The following RIMBP2 variants were observed in gnomAD, a reference collection of about 807,000 sequenced individuals.
RIMBP2 encodes RIMS-binding protein 2.
Under a neutral mutation model 118.6 loss-of-function variants are expected in RIMBP2, and 48 were observed. The observed-to-expected ratio is 0.40, with a 90% CI of 0.32 to 0.51. The LOEUF (loss-of-function observed/expected upper bound fraction) is 0.51. Among genes scored for constraint, RIMBP2 ranks in the 20% least tolerant of loss-of-function variants. The pLI is 0.41. For missense variants in RIMBP2, 1,551 were observed against 1,768.3 expected (o/e 0.88, Z 2.20); for synonymous variants, 762 against 742.9 (o/e 1.03, Z -0.42).
In RIMBP2 at chr12:130,688,333, C is replaced by T. The variant is rs2136630349; in HGVS notation, c.-352+27889G>A. ...AGCCTTTCTAGCCTCACTAGCCTCC[C>T]AAGCTTGCTCCCGGTCTCAGGGAGC... On this transcript the variant is annotated intron_variant, in intron 1 of 22. Transcript: ENST00000690449. This position sits in a 1 kb window ranked among gnomAD's most constrained non-coding sequence, Gnocchi z 4.7. Among the ~76,000 whole-genome samples, 1 of 152,316 alleles carries T rather than the reference C, an allele frequency of 6.6e-6. No homozygotes were observed. The highest frequency in any genetic ancestry group is 2.4e-5 in the African/African-American group (1 of 41,578).
At chr12:130,515,654 T>C (rs146778332) in intron 3 of RIMBP2, among the ~76,000 whole-genome samples, 1 of 151,324 alleles carries the variant, frequency 6.6e-6, no homozygotes, top group East Asian at 1.9e-4. Flanking sequence ...TTTTGGCTAC[T>C]ATAAATTTGT....
intron 3 of RIMBP2, among the ~76,000 whole-genome samples, chr12:130,510,900 G>C (rs1383229385): frequency 6.6e-6 from 1 of 152,162 alleles, no homozygotes; most frequent in Admixed American, 6.5e-5. Flanking sequence ...TTCGCAACAA[G>C]GAGGAGAGGG....
intron 14 of RIMBP2, 180 bp from the exon 15 acceptor site, chr12:130,428,517 ACT>A: frequency 1.8e-6 from 1 of 541,922 alleles, no homozygotes; most frequent in South Asian, 3.0e-5. Flanking sequence ...GGACACACCC[ACT>A]CTCTCTGTTG....
intron 6 of RIMBP2, among the ~76,000 whole-genome samples, chr12:130,462,429 T>A (rs7974832): frequency 6.6e-6 from 1 of 152,090 alleles, no homozygotes; most frequent in African/African-American, 2.4e-5. Context: ...CGGCTGCGTC[T>A]CCACCGAGGC....
At chr12:130,417,042 T>C (rs933620672) in intron 17 of RIMBP2, among the ~76,000 whole-genome samples, 3 of 152,202 alleles carry the variant, frequency 2.0e-5, no homozygotes, top group African/African-American at 7.2e-5. Context: ...CACAATGAGA[T>C]ACCATCTCAC....
At chr12:130,430,612 G>C (rs1195007389) in intron 14 of RIMBP2, 1 of 148,350 alleles carries the variant, frequency 6.7e-6, no homozygotes, top group Non-Finnish European at 1.5e-5. Context: ...TAATTAACTT[G>C]ACTGGGACAG....
At chr12:130,589,312 CTGTTT>C (rs1380787222) in intron 2 of RIMBP2, among the ~76,000 whole-genome samples, 1 of 152,152 alleles carries the variant, frequency 6.6e-6, no homozygotes. Context: ...ACGCTTTGTT[CTGTTT>C]TGTTTTGCTT....
intron 11 of RIMBP2, among the ~76,000 whole-genome samples, chr12:130,438,799 T>G (rs979449924): frequency 5.3e-5 from 8 of 152,094 alleles, no homozygotes; most frequent in African/African-American, 1.7e-4. Flanking sequence ...TGGAACCACC[T>G]CCTTACCTGT....
At chr12:130,412,495 AC>A in intron 19 of RIMBP2, 123 bp downstream of exon 19, 1 of 911,198 alleles carries the variant, frequency 1.1e-6, no homozygotes, top group Non-Finnish European at 1.7e-6. Context: ...GTCAACATTT[AC>A]ATGACTTTGG....
Position 130,624,427 on chromosome 12 carries a change from A to G in RIMBP2, c.-217+3895T>C, listed in dbSNP as rs548008903. Among the ~76,000 whole-genome samples, 9 of 152,300 alleles carry G rather than the reference A, an allele frequency of 5.9e-5. No individual in the cohort carries two copies. In the East Asian group the frequency reaches 1.5e-3, roughly 26 times the overall value. On this transcript the variant is annotated intron_variant, in intron 2 of 22. Coordinates refer to ENST00000690449, the MANE Select transcript of RIMBP2 (RefSeq NM_001393629.1). ...TGCACACATGGAGTTGTGTGTCCAC[A>G]TCCACTTTTGTCTATACACCTGCCT...
chr12:130,439,557 G>A (rs2077882600), intron 11 of RIMBP2, among the ~76,000 whole-genome samples: 1 of 139,788 alleles, frequency 7.2e-6, no homozygotes, highest in African/African-American at 2.7e-5. Flanking sequence ...CGGTGGGGGT[G>A]TCCATGGGTG....
chr12:130,649,619 T>A (rs921985582), intron 1 of RIMBP2, among the ~76,000 whole-genome samples: 12 of 152,200 alleles, frequency 7.9e-5, no homozygotes, highest in African/African-American at 2.2e-4. Flanking sequence ...GCGGGCCACA[T>A]AGGAGACCCC....
At chr12:130,689,758 A>C (rs1052679370) in intron 1 of RIMBP2, among the ~76,000 whole-genome samples, 1 of 152,198 alleles carries the variant, frequency 6.6e-6, no homozygotes, top group African/African-American at 2.4e-5. Context: ...TGGAGGACCC[A>C]GTAGAGAGGC....
rs1459976122 is a variant in RIMBP2, at chr12:130,434,013, G to A, written c.2253+721C>T. ...GTTCACCTGTGGTCTGTAACCAGCC[G>A]GGACATAAACCCAGGCCTGAGAGAT... On this transcript the variant is annotated intron_variant, in intron 14 of 22. Transcript: ENST00000690449. The surrounding 1 kb of genome is among the most constrained non-coding windows in gnomAD (Gnocchi z 5.7). Among the ~76,000 whole-genome samples, 4 of 152,180 alleles carry A rather than the reference G, an allele frequency of 2.6e-5. No homozygotes were observed. Among genetic ancestry groups the A allele is most frequent in the South Asian group, 2.1e-4 (1 of 4,826 alleles).
intron 2 of RIMBP2, among the ~76,000 whole-genome samples, chr12:130,625,100 T>A (rs1214962857): frequency 6.6e-6 from 1 of 152,234 alleles, no homozygotes; most frequent in African/African-American, 2.4e-5. Flanking sequence ...GATACACCCA[T>A]ATAACGTGTG....
chr12:130,506,386 C>A (rs564177998), intron 4 of RIMBP2, among the ~76,000 whole-genome samples: 26 of 152,190 alleles, frequency 1.7e-4, no homozygotes, highest in Non-Finnish European at 3.7e-4. Context: ...CCTGCCACTG[C>A]ACAGCTCAGC....
At chr12:130,484,120 C>T (rs1264597261) in intron 4 of RIMBP2, among the ~76,000 whole-genome samples, 1 of 152,182 alleles carries the variant, frequency 6.6e-6, no homozygotes, top group Non-Finnish European at 1.5e-5. Context: ...TGTCCTTGGC[C>T]GGAAGGAGCC....
intron 5 of RIMBP2, among the ~76,000 whole-genome samples, chr12:130,476,267 C>T (rs1269169843): frequency 1.3e-5 from 2 of 152,138 alleles, no homozygotes; most frequent in Admixed American, 6.5e-5. Context: ...GGTGGGGTCC[C>T]GTGACGGCAA....
At chr12:130,497,174 G>A (rs1287422837) in intron 4 of RIMBP2, among the ~76,000 whole-genome samples, 5 of 152,088 alleles carry the variant, frequency 3.3e-5, no homozygotes, top group African/African-American at 7.2e-5. Context: ...CCTGATGTGC[G>A]ACCGCACCTT....
Sources: gnomAD v4.1 joint callset for allele counts (sites outside exome capture counted in the v4.1 genomes callset) on GRCh38, gnomAD v4.1.1 for gene constraint, Gnocchi (gnomAD v3.1) non-coding constraint, MANE v1.5 for transcripts, NCBI Gene and HGNC (gene_info 2026-07-23, HGNC 2026-07-21) for gene names.